CCNY: variants seen among roughly 807,000 people sequenced by gnomAD.
CCNY encodes the protein cyclin Y, also known as cyclin-Y.
Under a neutral mutation model 42.8 loss-of-function variants are expected in CCNY, and 19 were observed. The observed-to-expected ratio is 0.44, with a 90% CI of 0.31 to 0.65. The LOEUF is 0.65. CCNY is among the 30% of genes least tolerant of loss of function. CCNY has a pLI of 0.07. For missense variants in CCNY, 370 were observed against 437.3 expected, an observed-to-expected ratio of 0.85 and a Z score of 1.37; for synonymous variants, 165 against 162.7, an observed-to-expected ratio of 1.01 and a Z score of -0.11.
chr10:35,549,103 A>ACC (rs539948789), intron 7 of CCNY, among the ~76,000 whole-genome samples: 1,042 of 51,940 alleles, frequency 0.02, 6 homozygotes, highest in Non-Finnish European at 0.025. Context: ...CACCCACCCC[A>ACC]CCCCCCCCCG....
chr10:35,449,406 T>C (rs1489454544), intron 1 of CCNY, among the ~76,000 whole-genome samples: 1 of 152,040 alleles, frequency 6.6e-6, no homozygotes, highest in Non-Finnish European at 1.5e-5. Context: ...AGCAGTGGCC[T>C]TGGTAAGAGC....
At chr10:35,443,374 A>T (rs1049575308) in intron 1 of CCNY, among the ~76,000 whole-genome samples, 6 of 152,244 alleles carry the variant, frequency 3.9e-5, no homozygotes, top group Non-Finnish European at 5.9e-5. Flanking sequence ...AGCTGTACAG[A>T]AATATTTTTT....
intron 4 of CCNY, among the ~76,000 whole-genome samples, chr10:35,525,245 A>G (rs1167121729): frequency 1.3e-5 from 2 of 152,180 alleles, no homozygotes; most frequent in Non-Finnish European, 2.9e-5. Flanking sequence ...ATAGAAAGCT[A>G]TATATCTTAA....
intron 2 of CCNY, among the ~76,000 whole-genome samples, chr10:35,492,554 A>G (rs1839920804): frequency 6.6e-6 from 1 of 152,140 alleles, no homozygotes; most frequent in African/African-American, 2.4e-5. Context: ...CTCTGTGTGG[A>G]GGTGATTATT....
At chr10:35,305,426 A>G (rs1835595123) in intron 3 of CCNY, among the ~76,000 whole-genome samples, 1 of 152,206 alleles carries the variant, frequency 6.6e-6, no homozygotes, top group African/African-American at 2.4e-5. Context: ...CATGAAATAT[A>G]TATTACATGC....
chr10:35,355,695 AAAAAAAAAAAAG>A (rs1381776899), intron 1 of CCNY, among the ~76,000 whole-genome samples: 3 of 150,554 alleles, frequency 2.0e-5, no homozygotes, highest in Non-Finnish European at 3.0e-5. Context: ...AAAAAAAAAA[AAAAAAAAAAAAG>A]AGGAATGTTA....
chr10:35,348,119 T>C (rs779838786), intron 1 of CCNY, among the ~76,000 whole-genome samples: 2 of 152,234 alleles, frequency 1.3e-5, no homozygotes, highest in Non-Finnish European at 2.9e-5. Context: ...GTTGCTCTTT[T>C]GCTTGCAAAG....
intron 3 of CCNY, among the ~76,000 whole-genome samples, chr10:35,324,392 A>G (rs1300879148): frequency 6.6e-6 from 1 of 152,202 alleles, no homozygotes; most frequent in African/African-American, 2.4e-5. Context: ...TACCTATAAC[A>G]TTTTTGGAAT....
intron 1 of CCNY, among the ~76,000 whole-genome samples, chr10:35,377,733 TA>T (rs1416875286): frequency 1.3e-5 from 2 of 152,184 alleles, no homozygotes; most frequent in African/African-American, 2.4e-5. Context: ...TATACTAATT[TA>T]AAAAATAACA....
At chr10:35,495,049 G>T (rs1462871594) in intron 2 of CCNY, among the ~76,000 whole-genome samples, 1 of 152,142 alleles carries the variant, frequency 6.6e-6, no homozygotes, top group Non-Finnish European at 1.5e-5. Flanking sequence ...TTGGATTTGG[G>T]ATGCTCAAAT....
intron 7 of CCNY, among the ~76,000 whole-genome samples, chr10:35,535,264 C>T (rs908161708): frequency 4.6e-5 from 7 of 151,932 alleles, no homozygotes; most frequent in African/African-American, 1.7e-4. Flanking sequence ...TGACTTAGAG[C>T]AGGCCTGCAC....
intron 7 of CCNY, among the ~76,000 whole-genome samples, chr10:35,548,292 G>GTATATATATATATATA (rs113069550): frequency 7.0e-6 from 1 of 143,828 alleles, no homozygotes; most frequent in Non-Finnish European, 1.5e-5. Context: ...ATATATTTAT[G>GTATATATATATATATA]TATATATATA....
intron 3 of CCNY, among the ~76,000 whole-genome samples, chr10:35,295,268 G>A (rs1035579356): frequency 2.7e-5 from 4 of 148,262 alleles, no homozygotes; most frequent in Non-Finnish European, 6.0e-5. Flanking sequence ...TTTTGCTCTT[G>A]TTGCCCAGGC....
At chr10:35,251,451 T>C (rs1047134207) in intron 3 of CCNY, among the ~76,000 whole-genome samples, 60 of 152,312 alleles carry the variant, frequency 3.9e-4, no homozygotes, top group African/African-American at 1.3e-3. Context: ...TTTATAGTAG[T>C]AGAAAGATGT....
intron 1 of CCNY, among the ~76,000 whole-genome samples, chr10:35,362,018 CTAATG>C (rs1836697768): frequency 6.6e-6 from 1 of 152,110 alleles, no homozygotes; most frequent in Non-Finnish European, 1.5e-5. Flanking sequence ...CAAAATAAAA[CTAATG>C]TATAAAATTA....
At chr10:35,411,598 C>T (rs143518806) in intron 1 of CCNY, among the ~76,000 whole-genome samples, 5 of 149,914 alleles carry the variant, frequency 3.3e-5, no homozygotes, top group Admixed American at 2.7e-4. Context: ...CAATACAATA[C>T]CTTCTGGGAT....
intron 5 of CCNY, among the ~76,000 whole-genome samples, chr10:35,528,128 C>T (rs1031710887): frequency 1.3e-5 from 2 of 152,088 alleles, no homozygotes; most frequent in Non-Finnish European, 2.9e-5. Flanking sequence ...GAATGGGGTC[C>T]TGGGCCAGGT....
chr10:35,324,905 C>T (rs1162766196), intron 3 of CCNY, among the ~76,000 whole-genome samples: 5 of 152,142 alleles, frequency 3.3e-5, no homozygotes, highest in African/African-American at 9.7e-5. Flanking sequence ...TATTTGTGCA[C>T]ACTTATATAT....
At position 35,304,317 on chromosome 10, in the gene CCNY, T is replaced by A. The variant is rs561426925; in HGVS notation, c.-9+53691T>A. ...TTATTTTTTTTTTTTTTTTATTTTTTATTTTTTTTTGAGACGGAGTCTCGC... is the reference window on the plus strand; with the variant it reads ...TTATTTTTTTTTTTTTTTTATTTTTAATTTTTTTTTGAGACGGAGTCTCGC... On this transcript the variant is annotated intron_variant, in intron 3 of 11. Coordinates refer to the CCNY transcript ENST00000374706. Among the ~76,000 whole-genome samples, 312 of 107,942 alleles carry A rather than the reference T, an allele frequency of 2.9e-3. 77 individuals are homozygous for A. The East Asian group carries it at 0.063, about 22-fold the overall frequency. The allele number at this position is 107,942 out of a possible 152,430, so 70.8% of individuals were successfully genotyped here.
Sources: gnomAD v4.1 joint callset for allele counts (sites outside exome capture counted in the v4.1 genomes callset) on GRCh38, gnomAD v4.1.1 for gene constraint, MANE v1.5 for transcripts, NCBI Gene and HGNC (gene_info 2026-07-23, HGNC 2026-07-21) for gene names.